The following HYDIN variants were observed in gnomAD, a reference collection of about 807,000 sequenced individuals.
The protein encoded by HYDIN is HYDIN axonemal central pair apparatus protein, also known as axonemal central pair apparatus protein HYDIN.
In HYDIN, 132 loss-of-function variants were observed where a neutral mutation model predicts 403.9. The observed-to-expected ratio is 0.33, with a 90% CI of 0.28 to 0.38. HYDIN has a LOEUF of 0.38. Among genes scored for constraint, HYDIN ranks in the 10% least tolerant of loss-of-function variants. The pLI is 1.00. For synonymous variants in HYDIN, 1,202 were observed against 1,891.7 expected, an observed-to-expected ratio of 0.64 and a Z score of 9.46; for missense variants, 2,827 against 5,009.5, an observed-to-expected ratio of 0.56 and a Z score of 13.15.
chr16:71,059,014 C>T (rs1256246916), intron 18 of HYDIN, among the ~76,000 whole-genome samples: 1 of 152,194 alleles, frequency 6.6e-6, no homozygotes, highest in African/African-American at 2.4e-5. Context: ...GTATGTGATA[C>T]ATATAACATA....
At chr16:70,978,496 C>T (rs542490472) in intron 30 of HYDIN, among the ~76,000 whole-genome samples, 5 of 151,772 alleles carry the variant, frequency 3.3e-5, no homozygotes, top group South Asian at 4.2e-4. Context: ...ACCTGGCCCT[C>T]CGTCAGCTTC....
intron 83 of HYDIN, 64 bp from the exon 84 acceptor site, chr16:70,818,636 A>T (rs1048300249): frequency 3.1e-6 from 2 of 640,276 alleles, no homozygotes; most frequent in African/African-American, 3.7e-5. Flanking sequence ...GGTCCTCTGC[A>T]CATTTTCAGA....
intron 64 of HYDIN, 145 bp from the exon 65 acceptor site, chr16:70,872,324 A>G (rs1179197742): frequency 9.1e-6 from 5 of 548,958 alleles, no homozygotes; most frequent in Admixed American, 6.9e-5. Context: ...TCTGAGTAAC[A>G]AGATTTCTAT....
chr16:70,978,618 C>T (rs1445804341), intron 30 of HYDIN, among the ~76,000 whole-genome samples: 1 of 152,260 alleles, frequency 6.6e-6, no homozygotes, highest in Non-Finnish European at 1.5e-5. Flanking sequence ...GATTGGGCCA[C>T]ACCTCTCGTT....
chr16:70,947,732 A>G (rs2077920794), intron 41 of HYDIN, among the ~76,000 whole-genome samples: 1 of 152,196 alleles, frequency 6.6e-6, no homozygotes, highest in African/African-American at 2.4e-5. Context: ...TAAAATACCT[A>G]GGAATCCACC....
intron 1 of HYDIN, among the ~76,000 whole-genome samples, chr16:71,206,868 G>C (rs1431063527): frequency 2.0e-5 from 3 of 152,050 alleles, no homozygotes; most frequent in Non-Finnish European, 2.9e-5. Flanking sequence ...AGTCAGATAA[G>C]AATAAAGAAA....
At chr16:70,875,093 G>A (rs1460517734) in intron 62 of HYDIN, among the ~76,000 whole-genome samples, 174 bp from the exon 63 acceptor site, 1 of 151,812 alleles carries the variant, frequency 6.6e-6, no homozygotes, top group African/African-American at 2.4e-5. Context: ...GACCTGGAGA[G>A]GACAGAAGAA....
Position 71,062,303 on chromosome 16 carries a change from A to C in HYDIN, c.2242T>G (p.Ser748Ala). 6.3e-7 allele frequency: 1 copy of C among 1,588,036 alleles called. No homozygotes were observed. Among genetic ancestry groups the C allele is most frequent in the Non-Finnish European group, 8.6e-7 (1 of 1,165,926 alleles). Residue 748 changes from serine to alanine, a missense_variant, in exon 17 of 86, where the codon TCC (serine) becomes GCC (alanine). Transcript: ENST00000393567. ...ATGACCCCGCTGGGGGTGGGGCTGG[A>C]AAACAGCACAGTAGGCACCTCCTCA... ...VCEEVPTVLF[S>A]SPTPSGVISP...
At chr16:70,854,907 CA>C (rs1191011619) in intron 73 of HYDIN, among the ~76,000 whole-genome samples, 1 of 143,262 alleles carries the variant, frequency 7.0e-6, no homozygotes, top group Admixed American at 7.0e-5. Context: ...GAAAAGAATA[CA>C]AAGAGAAAAT....
intron 47 of HYDIN, among the ~76,000 whole-genome samples, chr16:70,916,999 C>A (rs2076860751): frequency 6.6e-6 from 1 of 152,152 alleles, no homozygotes; most frequent in Non-Finnish European, 1.5e-5. Flanking sequence ...TCTCAACTCA[C>A]TATAACTCTG....
At chr16:71,000,638 C>CA (rs1199895961) in intron 23 of HYDIN, among the ~76,000 whole-genome samples, 5 of 152,048 alleles carry the variant, frequency 3.3e-5, no homozygotes, top group Non-Finnish European at 5.9e-5. Flanking sequence ...GAGTCACTTG[C>CA]AGGTCGACTA....
intron 18 of HYDIN, among the ~76,000 whole-genome samples, chr16:71,034,897 A>C (rs550900578): frequency 6.6e-6 from 1 of 150,420 alleles, no homozygotes; most frequent in African/African-American, 2.4e-5. Flanking sequence ...GAAATAGAAA[A>C]AAAAACAATT....
At chr16:70,972,751 A>G (rs937565915) in intron 35 of HYDIN, among the ~76,000 whole-genome samples, 3 of 152,236 alleles carry the variant, frequency 2.0e-5, no homozygotes, top group Non-Finnish European at 2.9e-5. Context: ...AATAGTAAAC[A>G]CAGTGCATAT....
intron 23 of HYDIN, among the ~76,000 whole-genome samples, chr16:70,994,707 C>A (rs1476645729): frequency 1.3e-5 from 2 of 148,860 alleles, no homozygotes; most frequent in African/African-American, 5.2e-5. Context: ...TTAGGAGCTG[C>A]CGTGGGTAGG....
intron 18 of HYDIN, among the ~76,000 whole-genome samples, chr16:71,037,126 T>C (rs998296637): frequency 5.9e-5 from 9 of 151,330 alleles, no homozygotes; most frequent in Non-Finnish European, 1.2e-4. Context: ...GTATGCCTGG[T>C]CTCAGGTTTC....
intron 47 of HYDIN, among the ~76,000 whole-genome samples, chr16:70,909,210 G>C (rs1338679561): frequency 6.6e-6 from 1 of 151,626 alleles, no homozygotes; most frequent in Admixed American, 6.6e-5. Context: ...CTAATATTTT[G>C]TTGGCATATA....
intron 14 of HYDIN, among the ~76,000 whole-genome samples, chr16:71,068,837 T>A (rs1431939596): frequency 6.6e-6 from 1 of 152,242 alleles, no homozygotes; most frequent in Non-Finnish European, 1.5e-5. Flanking sequence ...GAAGCCTGGA[T>A]TCGGATTACA....
At chr16:71,175,452 C>CCAA (rs1032729600) in intron 5 of HYDIN, among the ~76,000 whole-genome samples, 155 bp downstream of exon 5, 1 of 151,764 alleles carries the variant, frequency 6.6e-6, no homozygotes, top group Non-Finnish European at 1.5e-5. Flanking sequence ...ACCAATACCA[C>CCAA]CAACAACAAC....
chr16:70,942,853 T>C (rs960823376), intron 42 of HYDIN, among the ~76,000 whole-genome samples: 1 of 152,238 alleles, frequency 6.6e-6, no homozygotes, highest in Non-Finnish European at 1.5e-5. Context: ...ACTGGCTTAC[T>C]TTGGGGCCTT....
Sources: allele counts gnomAD v4.1 joint callset (sites outside exome capture counted in the v4.1 genomes callset), GRCh38; gene constraint gnomAD v4.1.1; transcripts MANE v1.5; gene names NCBI Gene and HGNC (gene_info 2026-07-23, HGNC 2026-07-21).